The following RTL4 variants were observed in gnomAD, a reference collection of about 807,000 sequenced individuals.
RTL4 encodes the protein retrotransposon Gag-like protein 4.
Under a neutral mutation model 5.3 loss-of-function variants are expected in RTL4, and 4 were observed. The ratio of observed to expected loss-of-function variants is 0.75; its 90% CI spans 0.37 to 1.72. RTL4 has a LOEUF of 1.72. Ranked by LOEUF, RTL4 falls within the 40% of genes most tolerant of loss-of-function variation. The pLI is 0.04. For synonymous variants in RTL4, 98 were observed against 87.3 expected, an observed-to-expected ratio of 1.12 and a Z score of -0.68; for missense variants, 260 against 227.1, an observed-to-expected ratio of 1.14 and a Z score of -0.93.
chrX:112,267,010 G>A, the RTL4 span, among the ~76,000 whole-genome samples: 7 of 111,577 alleles, frequency 6.3e-5, no homozygotes, highest in Non-Finnish European at 1.3e-4. Flanking sequence ...CAAAGATATT[G>A]CTCTAGCAAT....
At chrX:112,270,418 G>C in the RTL4 span, among the ~76,000 whole-genome samples, 1 of 111,658 alleles carries the variant, frequency 9.0e-6, no homozygotes, top group East Asian at 2.8e-4. Context: ...TGAGGAGCAG[G>C]ATACTTTAAG....
At chrX:112,397,126 CTACA>C in the RTL4 span, among the ~76,000 whole-genome samples, 1 of 111,795 alleles carries the variant, frequency 8.9e-6, no homozygotes, top group Non-Finnish European at 1.9e-5. Flanking sequence ...TGTGGAGCGT[CTACA>C]TACAGTCATT....
chrX:112,234,933 G>C, the RTL4 span, among the ~76,000 whole-genome samples: 1 of 111,542 alleles, frequency 9.0e-6, no homozygotes, highest in East Asian at 2.8e-4. Flanking sequence ...CCCTGGCCTT[G>C]AGGTTTGGCT....
the RTL4 span, among the ~76,000 whole-genome samples, chrX:112,111,587 C>T: frequency 2.7e-5 from 3 of 112,874 alleles, no homozygotes; most frequent in Non-Finnish European, 5.6e-5. Flanking sequence ...ATTAGATAAG[C>T]ATACTTGCTA....
At chrX:112,183,896 C>T in the RTL4 span, among the ~76,000 whole-genome samples, 1 of 111,547 alleles carries the variant, frequency 9.0e-6, no homozygotes, top group Non-Finnish European at 1.9e-5. Flanking sequence ...GGGTTGGTTC[C>T]AAGTCTTTGC....
chrX:112,329,010 T>A, the RTL4 span, among the ~76,000 whole-genome samples: 85 of 111,169 alleles, frequency 7.6e-4, no homozygotes, highest in African/African-American at 2.5e-3. Context: ...TTCAAAGCAG[T>A]GTGTAGAGGA....
the RTL4 span, among the ~76,000 whole-genome samples, chrX:112,416,462 G>A: frequency 9.8e-5 from 11 of 111,974 alleles, no homozygotes; most frequent in African/African-American, 1.9e-4. Flanking sequence ...TGTGAGATAC[G>A]CACCTGCAAG....
chrX:112,326,943 G>T, the RTL4 span, among the ~76,000 whole-genome samples: 192 of 111,566 alleles, frequency 1.7e-3, no homozygotes, highest in Non-Finnish European at 3.0e-3. Flanking sequence ...GCAACTGAGG[G>T]TCCTGTCTGT....
At chrX:112,153,788 G>A in the RTL4 span, among the ~76,000 whole-genome samples, 9,080 of 111,052 alleles carry the variant, frequency 0.082, 907 homozygotes, top group African/African-American at 0.28. Context: ...TGTACCGTTC[G>A]ATTGTGGTAT....
the RTL4 span, among the ~76,000 whole-genome samples, chrX:112,328,099 T>C: frequency 9.2e-6 from 1 of 108,154 alleles, no homozygotes; most frequent in South Asian, 4.2e-4. Flanking sequence ...CTGCATCAAC[T>C]AACGAGCAAA....
chrX:112,126,184 G>A, the RTL4 span, among the ~76,000 whole-genome samples: 3 of 111,837 alleles, frequency 2.7e-5, no homozygotes, highest in Non-Finnish European at 3.8e-5. Context: ...GTTAACACAA[G>A]CTGGTCCTCA....
At chrX:112,390,105 TAATATATATATATA>T in the RTL4 span, among the ~76,000 whole-genome samples, 2 of 40,538 alleles carry the variant, frequency 4.9e-5, no homozygotes, top group Non-Finnish European at 8.3e-5. Context: ...CATTTATATA[TAATATATATATATA>T]TATATATATA....
the RTL4 span, among the ~76,000 whole-genome samples, chrX:112,396,427 C>T: frequency 1.8e-5 from 2 of 111,124 alleles, no homozygotes; most frequent in Admixed American, 9.6e-5. Flanking sequence ...CCTGATTTTT[C>T]GTTATTATAA....
the RTL4 span, among the ~76,000 whole-genome samples, chrX:112,208,996 G>T: frequency 1.8e-5 from 2 of 112,321 alleles, no homozygotes; most frequent in Non-Finnish European, 3.8e-5. Flanking sequence ...CCATGTTACT[G>T]AGCCCATGCT....
At chrX:112,138,028 C>A in the RTL4 span, among the ~76,000 whole-genome samples, 1 of 111,664 alleles carries the variant, frequency 9.0e-6, no homozygotes, top group Non-Finnish European at 1.9e-5. Flanking sequence ...TTAAAAAATG[C>A]AGTATATACA....
At chrX:112,454,069 A>G (rs1347316353), upstream of RTL4, among the ~76,000 whole-genome samples, 1 of 111,741 alleles carries the variant, frequency 8.9e-6, no homozygotes, top group Non-Finnish European at 1.9e-5. Flanking sequence ...ATCACCTGAG[A>G]TCACTTTGGG....
At chrX:112,106,678 T>C in the RTL4 span, among the ~76,000 whole-genome samples, 1 of 111,810 alleles carries the variant, frequency 8.9e-6, no homozygotes, top group African/African-American at 3.2e-5. Context: ...CATCCATTTG[T>C]TATTTTTTGT....
the RTL4 span, among the ~76,000 whole-genome samples, chrX:112,413,046 A>T: frequency 8.9e-6 from 1 of 112,272 alleles, no homozygotes; most frequent in East Asian, 2.8e-4. Flanking sequence ...TGGGCAAAAG[A>T]TTTGAATAAA....
chrX:112,099,133 C>G, the RTL4 span, among the ~76,000 whole-genome samples: 1 of 111,795 alleles, frequency 8.9e-6, no homozygotes, highest in Non-Finnish European at 1.9e-5. Flanking sequence ...GCAATCTACT[C>G]ATCTGACAAA....
Sources: allele counts gnomAD v4.1 joint callset (sites outside exome capture counted in the v4.1 genomes callset), GRCh38; gene constraint gnomAD v4.1.1; transcripts MANE v1.5; gene names NCBI Gene and HGNC (gene_info 2026-07-23, HGNC 2026-07-21).